The following MEAF6 variants were observed in gnomAD, a reference collection of about 807,000 sequenced individuals.
MEAF6 encodes the protein MYST/Esa1 associated factor 6.
Under a neutral mutation model 28.9 loss-of-function variants are expected in MEAF6, and 15 were observed. The ratio of observed to expected loss-of-function variants is 0.52; its 90% CI spans 0.35 to 0.80. The LOEUF (loss-of-function observed/expected upper bound fraction) is 0.80. Among genes scored for constraint, MEAF6 ranks in the 30% least tolerant of loss-of-function variants. The pLI is 0.01. For missense variants in MEAF6, 178 were observed against 237.5 expected (o/e 0.75, Z 1.65); for synonymous variants, 97 against 88.7 (o/e 1.09, Z -0.53).
rs764914440 is a variant in MEAF6, at chr1:37,490,016, AAATT to A, written c.*4079_*4082del. The stretch of plus-strand genomic sequence containing the variant: ...TATTGTGGTTCAACCTTTTATTTAT[AAATT>A]AATGACCTACATGTACTAATGAACT... On this transcript the variant is annotated 3_prime_UTR_variant, in exon 7 of 7. Transcript: ENST00000296214. Among the ~76,000 whole-genome samples, 17 of 152,372 alleles carry A rather than the reference AAATT, an allele frequency of 1.1e-4. No individual in the cohort carries two copies. The highest frequency in any genetic ancestry group is 5.8e-4 in the East Asian group (3 of 5,190).
chr1:37,499,405 C>CA, intron 5 of MEAF6, among the ~76,000 whole-genome samples: 1 of 152,184 alleles, frequency 6.6e-6, no homozygotes, highest in East Asian at 1.9e-4. Context: ...GTCCCCACCC[C>CA]AATCTGCCAG....
At chr1:37,507,252 G>A (rs562167636) in intron 4 of MEAF6, among the ~76,000 whole-genome samples, 2 of 151,854 alleles carry the variant, frequency 1.3e-5, no homozygotes, top group Admixed American at 6.6e-5. Context: ...CTTGGGAGGC[G>A]GAGGTGGCAG....
chr1:37,494,195 C>A, intron 6 of MEAF6, 88 bp from the exon 7 acceptor site: 1 of 1,101,376 alleles, frequency 9.1e-7, no homozygotes. Flanking sequence ...ATAAACAACT[C>A]TACTAGGGGA....
chr1:37,508,829 G>C (rs1642571449), intron 4 of MEAF6, among the ~76,000 whole-genome samples: 1 of 152,276 alleles, frequency 6.6e-6, no homozygotes, highest in African/African-American at 2.4e-5. Context: ...ACAAATGGTG[G>C]CTCACACCTC....
intron 2 of MEAF6, among the ~76,000 whole-genome samples, chr1:37,512,509 T>G (rs1642701944): frequency 6.6e-6 from 1 of 152,152 alleles, no homozygotes; most frequent in Non-Finnish European, 1.5e-5. Flanking sequence ...TTCCTATAAT[T>G]TGAAGATTTT....
intron 4 of MEAF6, among the ~76,000 whole-genome samples, chr1:37,504,203 C>T (rs991667768): frequency 6.6e-6 from 1 of 152,182 alleles, no homozygotes; most frequent in African/African-American, 2.4e-5. Context: ...GAAGAAGGTG[C>T]TTGCTTCCCC....
chr1:37,514,485 G>A (rs1430755995), intron 1 of MEAF6, 172 bp downstream of exon 1: 4 of 391,962 alleles, frequency 1.0e-5, no homozygotes, highest in East Asian at 4.3e-5. Flanking sequence ...CAGCCGGGAA[G>A]CTGAACCGCC....
In MEAF6 at chr1:37,514,587, C is replaced by T. The variant is rs1642778997; in HGVS notation, c.90+70G>A. 4 of 1,267,154 alleles carry T rather than the reference C, an allele frequency of 3.2e-6. No homozygotes were observed. The African/African-American group carries it at 6.2e-5, about 20-fold the overall frequency. The allele number at this position is 1,267,154 out of a possible 1,614,324, so 78.5% of individuals were successfully genotyped here. ...GGAGTAACAAACGGCCTAGCGCGGCCGGGCTTGGGGCCTGGAGGCGGGGCG... is the reference window on the plus strand; with the variant it reads ...GGAGTAACAAACGGCCTAGCGCGGCTGGGCTTGGGGCCTGGAGGCGGGGCG... On this transcript the variant is annotated intron_variant, in intron 1 of 6. Coordinates refer to ENST00000296214, the MANE Select transcript of MEAF6 (RefSeq NM_001270875.3).
chr1:37,494,674 C>A (rs980885156), intron 6 of MEAF6, among the ~76,000 whole-genome samples: 7 of 151,024 alleles, frequency 4.6e-5, no homozygotes, highest in African/African-American at 1.7e-4. Context: ...CTACAAAAAA[C>A]ACAAAAATTA....
At chr1:37,504,946 C>T (rs1427916531) in intron 4 of MEAF6, among the ~76,000 whole-genome samples, 3 of 151,736 alleles carry the variant, frequency 2.0e-5, no homozygotes, top group African/African-American at 4.8e-5. Context: ...TACAGTGGCG[C>T]GATCTTGGCT....
At position 37,494,659 on chromosome 1, in the gene MEAF6, T is replaced by C. The variant is rs572684206; in HGVS notation, c.568-552A>G. 1.3e-4 allele frequency among the ~76,000 whole-genome samples: 20 copies of C among 151,510 alleles called. No homozygotes were observed. In the East Asian group the frequency reaches 3.7e-3, roughly 28 times the overall value. ...CAGCCTGGGTAACAAATTAAGACCA[T>C]GTCTCTACAAAAAACACAAAAATTA... On this transcript the variant is annotated intron_variant, in intron 6 of 6. Transcript: ENST00000296214.
chr1:37,498,108 G>C (rs934989883), intron 5 of MEAF6, among the ~76,000 whole-genome samples: 2 of 152,146 alleles, frequency 1.3e-5, no homozygotes, highest in African/African-American at 4.8e-5. Flanking sequence ...TAAGCAAATG[G>C]CTACATTTAG....
At chr1:37,494,153 G>T in intron 6 of MEAF6, 46 bp from the exon 7 acceptor site, 1 of 1,531,810 alleles carries the variant, frequency 6.5e-7, no homozygotes, top group Non-Finnish European at 9.0e-7. Context: ...CGGCAGAACA[G>T]TTGTTTGACC....
At chr1:37,507,320 CA>C (rs34471655) in intron 4 of MEAF6, among the ~76,000 whole-genome samples, 78,513 of 137,640 alleles carry the variant, frequency 0.57, 21,501 homozygotes, top group East Asian at 0.63. Flanking sequence ...AACTCTGCCT[CA>C]AAAAAAAAAA....
At chr1:37,512,494 C>T (rs899700597) in intron 2 of MEAF6, among the ~76,000 whole-genome samples, 4 of 144,028 alleles carry the variant, frequency 2.8e-5, no homozygotes, top group Non-Finnish European at 6.3e-5. Context: ...ACTATTCTTC[C>T]CATTTTCCTA....
chr1:37,493,492 A>G lies in MEAF6; in HGVS notation c.*607T>C. On this transcript the variant is annotated 3_prime_UTR_variant, in exon 7 of 7. Transcript: ENST00000296214. ...CCTCCCCTTGCAAAAAACAGAGGCAAGTTTCCCATTTTACTTATGATAAAC... is the reference window on the plus strand; with the variant it reads ...CCTCCCCTTGCAAAAAACAGAGGCAGGTTTCCCATTTTACTTATGATAAAC... The G allele has an allele frequency of 2.2e-6, 1 of 449,390 alleles. No individual in the cohort carries two copies. The highest frequency in any genetic ancestry group is 3.9e-6 in the Non-Finnish European group (1 of 256,632). The allele number at this position is 449,390 out of a possible 1,614,324, so 27.8% of individuals were successfully genotyped here. A position where few individuals can be genotyped will look rare whatever the true frequency, so the allele number is the denominator to read the frequency against.
At chr1:37,501,667 G>A (rs775081694) in intron 5 of MEAF6, 137 bp downstream of exon 5, 48 of 833,330 alleles carry the variant, frequency 5.8e-5, no homozygotes, top group South Asian at 9.3e-5. Context: ...AAATTAGCCC[G>A]TTCACTTGGA....
chr1:37,491,760 G>C lies in MEAF6; in HGVS notation c.*2339C>G, dbSNP rs1641938821. ...ATAAATACTTAAATAATCTTTTTAAGAGCAGTACTATTCTGTCTCCAGCAA... is the reference window on the plus strand; with the variant it reads ...ATAAATACTTAAATAATCTTTTTAACAGCAGTACTATTCTGTCTCCAGCAA... On this transcript the variant is annotated 3_prime_UTR_variant, in exon 7 of 7. Coordinates refer to ENST00000296214, the MANE Select transcript of MEAF6 (RefSeq NM_001270875.3). Among the ~76,000 whole-genome samples the C allele has an allele frequency of 6.6e-6, 1 of 151,150 alleles. No individual in the cohort carries two copies. The highest frequency in any genetic ancestry group is 1.5e-5 in the Non-Finnish European group (1 of 67,872).
chr1:37,514,633 G>A, intron 1 of MEAF6, 24 bp downstream of exon 1: 7 of 1,492,488 alleles, frequency 4.7e-6, no homozygotes, highest in Non-Finnish European at 6.2e-6. Context: ...CCCATGCCGT[G>A]CAACCCCTGT....
Sources: allele counts gnomAD v4.1 joint callset (sites outside exome capture counted in the v4.1 genomes callset), GRCh38; gene constraint gnomAD v4.1.1; transcripts MANE v1.5; gene names NCBI Gene and HGNC (gene_info 2026-07-23, HGNC 2026-07-21).